Variants in AUTS2 observed in about 807,000 individuals in gnomAD.
The protein encoded by AUTS2 is activator of transcription and developmental regulator AUTS2.
AUTS2 carries 17 observed loss-of-function variants against 112.4 expected under a neutral mutation model. The ratio of observed to expected loss-of-function variants is 0.15; its 90% CI spans 0.10 to 0.23. AUTS2 has a LOEUF of 0.23. Among genes scored for constraint, AUTS2 ranks in the 10% least tolerant of loss-of-function variants. The probability of loss-of-function intolerance (pLI) is 1.00; values close to 1 mark genes in which losing one functional copy is unlikely to be tolerated. For synonymous variants in AUTS2, 751 were observed against 702.7 expected (o/e 1.07, Z -1.09); for missense variants, 1,510 against 1,701.6 (o/e 0.89, Z 1.98).
At chr7:70,611,464 A>G (rs1483675758) in intron 5 of AUTS2, among the ~76,000 whole-genome samples, 2 of 152,240 alleles carry the variant, frequency 1.3e-5, no homozygotes, top group Non-Finnish European at 2.9e-5. Context: ...CTGACATTAT[A>G]GAGTGCCATG....
At chr7:69,919,627 C>T (rs1053297649) in intron 2 of AUTS2, among the ~76,000 whole-genome samples, 2 of 152,152 alleles carry the variant, frequency 1.3e-5, no homozygotes, top group African/African-American at 4.8e-5. Context: ...TTGCTGCTGG[C>T]ACTTTGTCCT....
At chr7:69,913,850 C>A (rs1212461015) in intron 2 of AUTS2, among the ~76,000 whole-genome samples, 2 of 152,146 alleles carry the variant, frequency 1.3e-5, no homozygotes, top group East Asian at 3.9e-4. Context: ...AGCTCCCGAC[C>A]TTCCATTCCC....
chr7:70,463,062 A>T (rs1797032733), intron 5 of AUTS2, among the ~76,000 whole-genome samples: 1 of 152,146 alleles, frequency 6.6e-6, no homozygotes, highest in African/African-American at 2.4e-5. Flanking sequence ...TTGGGTTCAG[A>T]TACTTTCACT....
At chr7:70,701,752 A>C (rs1809474842) in intron 6 of AUTS2, among the ~76,000 whole-genome samples, 1 of 152,074 alleles carries the variant, frequency 6.6e-6, no homozygotes, top group Non-Finnish European at 1.5e-5. Context: ...AAACAGTTTA[A>C]CTTTAATCAA....
At chr7:69,686,148 A>G (rs1330064069) in intron 1 of AUTS2, among the ~76,000 whole-genome samples, 1 of 152,210 alleles carries the variant, frequency 6.6e-6, no homozygotes, top group African/African-American at 2.4e-5. Context: ...TAATTTTCTC[A>G]TAGTGCTGTG....
At chr7:70,602,370 T>G (rs1803519943) in intron 5 of AUTS2, among the ~76,000 whole-genome samples, 2 of 152,184 alleles carry the variant, frequency 1.3e-5, no homozygotes. Context: ...CCTGGTACAT[T>G]GACACCTGAC....
At chr7:70,344,793 C>T (rs1791420722) in intron 4 of AUTS2, among the ~76,000 whole-genome samples, 1 of 152,144 alleles carries the variant, frequency 6.6e-6, no homozygotes, top group South Asian at 2.1e-4. Context: ...ATTACCAATA[C>T]TGCTTGCAAC....
Position 70,523,740 on chromosome 7 carries a change from C to A in AUTS2, c.690+87959C>A, listed in dbSNP as rs138395159. ...CGCAAGGACAAGCTCTAGCCTATAG[C>A]TGGAAAGTACAACGCACCGTGCCCC... On this transcript the variant is annotated intron_variant, in intron 5 of 18. Coordinates refer to ENST00000342771, the MANE Select transcript of AUTS2 (RefSeq NM_015570.4). Among the ~76,000 whole-genome samples the A allele has an allele frequency of 1.8e-3, 279 of 152,312 alleles. 2 individuals are homozygous for A. The highest frequency in any genetic ancestry group is 0.013 in the Admixed American group (199 of 15,304).
At chr7:69,895,847 T>C (rs1794721883) in intron 1 of AUTS2, among the ~76,000 whole-genome samples, 1 of 152,258 alleles carries the variant, frequency 6.6e-6, no homozygotes, top group Non-Finnish European at 1.5e-5. Flanking sequence ...CCAAAGAGAA[T>C]GGCATAATTT....
chr7:69,946,652 A>G (rs1796827375), intron 2 of AUTS2, among the ~76,000 whole-genome samples: 1 of 151,916 alleles, frequency 6.6e-6, no homozygotes, highest in Non-Finnish European at 1.5e-5. Flanking sequence ...GTATTGTATT[A>G]TGGAATATTA....
At chr7:70,540,714 A>G (rs1183480089) in intron 5 of AUTS2, among the ~76,000 whole-genome samples, 1 of 152,192 alleles carries the variant, frequency 6.6e-6, no homozygotes, top group East Asian at 1.9e-4. Flanking sequence ...ATCTCAAAAC[A>G]TGACTCCACC....
intron 4 of AUTS2, among the ~76,000 whole-genome samples, chr7:70,147,966 G>C (rs772886178): frequency 1.8e-4 from 27 of 152,064 alleles, no homozygotes; most frequent in Non-Finnish European, 3.4e-4. Context: ...ACCAAGAAGT[G>C]ATCTCTCTTT....
At chr7:70,333,626 C>G (rs1207234109) in intron 4 of AUTS2, among the ~76,000 whole-genome samples, 1 of 152,108 alleles carries the variant, frequency 6.6e-6, no homozygotes, top group Non-Finnish European at 1.5e-5. Flanking sequence ...ACTATGCAGC[C>G]ATAAAAAGGG....
chr7:69,833,167 G>A (rs1202237378), intron 1 of AUTS2, among the ~76,000 whole-genome samples: 1 of 152,124 alleles, frequency 6.6e-6, no homozygotes, highest in East Asian at 1.9e-4. Flanking sequence ...AAGGGCCTGA[G>A]AATTAAAATT....
chr7:70,588,477 A>G (rs1426648102), intron 5 of AUTS2, among the ~76,000 whole-genome samples: 1 of 152,200 alleles, frequency 6.6e-6, no homozygotes, highest in Non-Finnish European at 1.5e-5. Context: ...GAGTCCAGTT[A>G]GGGAAAAGAA....
At chr7:69,995,761 G>A (rs965137777) in intron 2 of AUTS2, among the ~76,000 whole-genome samples, 2 of 152,124 alleles carry the variant, frequency 1.3e-5, no homozygotes, top group South Asian at 2.1e-4. Context: ...AGAATTCCAG[G>A]TGGTGAGTCA....
intron 6 of AUTS2, among the ~76,000 whole-genome samples, chr7:70,762,299 GGCT>G (rs1789610618): frequency 6.6e-6 from 1 of 152,134 alleles, no homozygotes. Flanking sequence ...ATGTAGTCTA[GGCT>G]GCTGTTTTTT....
intron 4 of AUTS2, among the ~76,000 whole-genome samples, chr7:70,273,025 AGTATCTGCACTTT>A (rs1193322771): frequency 6.6e-6 from 1 of 152,144 alleles, no homozygotes; most frequent in African/African-American, 2.4e-5. Flanking sequence ...GGGAATTCTA[AGTATCTGCACTTT>A]GTGTCTGATT....
At chr7:70,126,301 C>T (rs888151416) in intron 3 of AUTS2, among the ~76,000 whole-genome samples, 5 of 152,080 alleles carry the variant, frequency 3.3e-5, no homozygotes, top group Admixed American at 2.0e-4. Flanking sequence ...CACAGGTACT[C>T]GGGAGGCTGA....
Sources: gnomAD v4.1 joint callset for allele counts (sites outside exome capture counted in the v4.1 genomes callset) on GRCh38, gnomAD v4.1.1 for gene constraint, MANE v1.5 for transcripts, NCBI Gene and HGNC (gene_info 2026-07-23, HGNC 2026-07-21) for gene names.